CNIH4: variants seen among roughly 807,000 people sequenced by gnomAD.
CNIH4 encodes cornichon family member 4.
A neutral mutation model predicts 21.5 loss-of-function variants in CNIH4; 9 were observed. The ratio of observed to expected loss-of-function variants is 0.42; its 90% CI spans 0.25 to 0.73. The LOEUF (loss-of-function observed/expected upper bound fraction) is 0.73, where lower values mean the gene tolerates loss of function less well. Among genes scored for constraint, CNIH4 ranks in the 30% least tolerant of loss-of-function variants. The pLI is 0.27. For synonymous variants in CNIH4, 67 were observed against 59.1 expected, an observed-to-expected ratio of 1.13 and a Z score of -0.61; for missense variants, 159 against 170.0, an observed-to-expected ratio of 0.94 and a Z score of 0.36.
chr1:224,367,253 G>C (rs1672490227), intron 3 of CNIH4, among the ~76,000 whole-genome samples: 1 of 152,068 alleles, frequency 6.6e-6, no homozygotes, highest in East Asian at 1.9e-4. Context: ...TTTTAAGTAT[G>C]ATGTTGTAAA....
Position 224,376,289 on chromosome 1 carries a change from G to C in CNIH4, c.*467G>C. 1 of 985,830 alleles carries C rather than the reference G, an allele frequency of 1.0e-6. No individual in the cohort carries two copies. 61.1% of individuals were successfully genotyped at this position (985,830 alleles called of 1,614,324 possible). A position where few individuals can be genotyped will look rare whatever the true frequency, so the allele number is the denominator to read the frequency against. ...GTGTTGTGACAACTTCATTTAATAT[G>C]GTTTAAAGATTTATGAGACTGTCAG... On this transcript the variant is annotated 3_prime_UTR_variant, in exon 5 of 5. Coordinates refer to ENST00000465271, the MANE Select transcript of CNIH4 (RefSeq NM_014184.4).
At chr1:224,363,572 G>A (rs941934498) in intron 2 of CNIH4, among the ~76,000 whole-genome samples, 1 of 151,934 alleles carries the variant, frequency 6.6e-6, no homozygotes, top group Non-Finnish European at 1.5e-5. Context: ...CAATCCTCCC[G>A]CCTTAGTGTC....
At chr1:224,361,758 A>T (rs1033642013) in intron 2 of CNIH4, among the ~76,000 whole-genome samples, 4 of 150,136 alleles carry the variant, frequency 2.7e-5, no homozygotes, top group African/African-American at 7.4e-5. Flanking sequence ...GATTTTTAAA[A>T]TTTTTTTGTA....
chr1:224,370,757 C>T (rs921868836), intron 3 of CNIH4, among the ~76,000 whole-genome samples: 2 of 151,926 alleles, frequency 1.3e-5, no homozygotes, highest in Non-Finnish European at 2.9e-5. Flanking sequence ...ATTTATTTTA[C>T]AGGGCAGAAG....
At position 224,376,172 on chromosome 1, in the gene CNIH4, G is replaced by A; in HGVS notation, c.*350G>A. The A allele has an allele frequency of 6.8e-6, 7 of 1,023,546 alleles. No individual in the cohort carries two copies. Among genetic ancestry groups the A allele is most frequent in the Non-Finnish European group, 8.2e-6 (7 of 855,020 alleles). 63.4% of individuals were successfully genotyped at this position (1,023,546 alleles called of 1,614,324 possible). A position where few individuals can be genotyped will look rare whatever the true frequency, so the allele number is the denominator to read the frequency against. ...TAAAGGGCAAACTGAAGAGATGAGC[G>A]AGCAAAGGTGCCCTTCAGGTCTACT... On this transcript the variant is annotated 3_prime_UTR_variant, in exon 5 of 5. Coordinates refer to ENST00000465271, the MANE Select transcript of CNIH4 (RefSeq NM_014184.4).
intron 2 of CNIH4, among the ~76,000 whole-genome samples, chr1:224,361,174 G>A (rs1176113980): frequency 6.8e-6 from 1 of 146,804 alleles, no homozygotes; most frequent in East Asian, 2.0e-4. Context: ...GGAGTGCAGT[G>A]GTGTGATCTG....
intron 2 of CNIH4, among the ~76,000 whole-genome samples, chr1:224,362,810 T>C (rs1672337626): frequency 6.6e-6 from 1 of 152,074 alleles, no homozygotes. Context: ...GCCTTTCTTG[T>C]TTGTTTTGGA....
chr1:224,366,736 A>G (rs1378622907), intron 3 of CNIH4, among the ~76,000 whole-genome samples: 4 of 656 alleles, frequency 6.1e-3, no homozygotes, highest in African/African-American at 0.017. Context: ...AGGTGGGTGG[A>G]TCACTTGAGG....
At chr1:224,371,464 G>A in intron 4 of CNIH4, 41 bp downstream of exon 4, 1 of 1,585,348 alleles carries the variant, frequency 6.3e-7, no homozygotes, top group East Asian at 2.2e-5. Flanking sequence ...TGCCATATTT[G>A]TTTTTGAAGG....
chr1:224,360,549 T>C lies in CNIH4; in HGVS notation c.124T>C (p.Ser42Pro). 1 of 1,481,814 alleles carries C rather than the reference T, an allele frequency of 6.7e-7. No homozygotes were observed. The highest frequency in any genetic ancestry group is 2.5e-5 in the Admixed American group (1 of 39,814). The allele number at this position is 1,481,814 out of a possible 1,614,324, so 91.8% of individuals were successfully genotyped here. ...TTACATTAATGCTAGATCATGTTGC[T>C]CAAAATTAAACAAGGTAAGACATTT... Reference protein sequence around the residue: ...CDYINARSCCSKLNKWVIPEL... With the variant: ...CDYINARSCCPKLNKWVIPEL... The change falls in exon 2 of 5, where the codon TCA becomes CCA. Residue 42 changes from serine (S) to proline (P), a missense_variant. Transcript: ENST00000465271.
Position 224,356,957 on chromosome 1 carries a change from C to T in CNIH4, c.33C>T (p.Leu11=), listed in dbSNP as rs141928208. The change falls in exon 1 of 5, where the codon CTC becomes CTT. Residue 11 remains leucine (L), a synonymous_variant. Coordinates refer to ENST00000465271, the MANE Select transcript of CNIH4 (RefSeq NM_014184.4). The part of the protein sequence containing the change: MEAVVFVFSL[L]DCCALIFLSV... ...CGGTGGTGTTCGTCTTCTCTCTCCT[C>T]GATTGTTGCGCGCTCATCTTCCTCT... The T allele has an allele frequency of 3.1e-6, 5 of 1,612,388 alleles. No homozygotes were observed. The African/African-American group carries it at 4.0e-5, about 13-fold the overall frequency.
intron 3 of CNIH4, among the ~76,000 whole-genome samples, chr1:224,368,546 C>G (rs185341558): frequency 3.6e-4 from 55 of 152,164 alleles, no homozygotes; most frequent in Non-Finnish European, 2.9e-5. Context: ...AGATGAAGTA[C>G]AGTAGTCCAC....
chr1:224,371,493 A>G, intron 4 of CNIH4, 70 bp downstream of exon 4: 10 of 1,462,694 alleles, frequency 6.8e-6, no homozygotes, highest in South Asian at 6.5e-5. Flanking sequence ...TTACTATACT[A>G]TAGGATTTTG....
Position 224,377,060 on chromosome 1 carries a change from AC to A in CNIH4, c.*1240del. 1 of 347,296 alleles carries A rather than the reference AC, an allele frequency of 2.9e-6. No individual in the cohort carries two copies. Among genetic ancestry groups the A allele is most frequent in the Non-Finnish European group, 4.1e-6 (1 of 246,512 alleles). 21.5% of individuals were successfully genotyped at this position (347,296 alleles called of 1,614,324 possible). A position where few individuals can be genotyped will look rare whatever the true frequency, so the allele number is the denominator to read the frequency against. On this transcript the variant is annotated 3_prime_UTR_variant, in exon 5 of 5. Transcript: ENST00000465271. Reference sequence around the variant, plus strand: ...ATGTTACATGTCCTTTTAGTCCTTGACCAGGTCTAGCCTTGGCAGAAGCAAG... The same window carrying A: ...ATGTTACATGTCCTTTTAGTCCTTGACAGGTCTAGCCTTGGCAGAAGCAAG...
At chr1:224,363,975 G>GC (rs1672375163) in intron 2 of CNIH4, 1 of 803,310 alleles carries the variant, frequency 1.2e-6, no homozygotes, top group Admixed American at 6.3e-5. Context: ...TGAGTCTAGT[G>GC]CCAGTGTACT....
At chr1:224,363,259 GT>G in intron 2 of CNIH4, among the ~76,000 whole-genome samples, 1 of 151,924 alleles carries the variant, frequency 6.6e-6, no homozygotes, top group Middle Eastern at 3.4e-3. Flanking sequence ...GGCCAGGCTG[GT>G]CTCCGACTCC....
chr1:224,357,268 G>T, intron 1 of CNIH4: 2 of 354,248 alleles, frequency 5.6e-6, no homozygotes. Flanking sequence ...CTCCGGGCGC[G>T]CCCCGTCTCG....
chr1:224,357,038 C>G, intron 1 of CNIH4, 45 bp downstream of exon 1: 3 of 1,583,566 alleles, frequency 1.9e-6, no homozygotes, highest in Non-Finnish European at 2.6e-6. Flanking sequence ...GGGGACACGG[C>G]TGAGGGTGGG....
At chr1:224,364,276 G>A in intron 2 of CNIH4, 1 of 985,354 alleles carries the variant, frequency 1.0e-6, no homozygotes, top group South Asian at 4.7e-5. Context: ...GTCTGTGTCT[G>A]TGTAATACAA....
Sources: gnomAD v4.1 joint callset for allele counts (sites outside exome capture counted in the v4.1 genomes callset) on GRCh38, gnomAD v4.1.1 for gene constraint, MANE v1.5 for transcripts, NCBI Gene and HGNC (gene_info 2026-07-23, HGNC 2026-07-21) for gene names.